The following SDCBP variants were observed in gnomAD, a reference collection of about 807,000 sequenced individuals.
The protein encoded by SDCBP is syndecan binding protein, also known as syntenin-1.
In SDCBP, 22 loss-of-function variants were observed where a neutral mutation model predicts 30.5. The ratio of observed to expected loss-of-function variants is 0.72; its 90% CI spans 0.52 to 1.03. SDCBP has a LOEUF of 1.03. SDCBP is among the 50% of genes least tolerant of loss of function. The pLI is 0.00. For missense variants in SDCBP, 304 were observed against 369.9 expected, an observed-to-expected ratio of 0.82 and a Z score of 1.46; for synonymous variants, 103 against 118.7, an observed-to-expected ratio of 0.87 and a Z score of 0.86.
chr8:58,555,221 A>G (rs939638553), intron 1 of SDCBP, among the ~76,000 whole-genome samples: 1 of 152,144 alleles, frequency 6.6e-6, no homozygotes, highest in Non-Finnish European at 1.5e-5. Context: ...TTGTGCACAT[A>G]TATTTTTACA....
At chr8:58,569,673 T>C (rs1804911697) in intron 2 of SDCBP, among the ~76,000 whole-genome samples, 1 of 151,886 alleles carries the variant, frequency 6.6e-6, no homozygotes, top group South Asian at 2.1e-4. Context: ...CCGCACAGTA[T>C]TTTTTTTGTT....
intron 6 of SDCBP, among the ~76,000 whole-genome samples, chr8:58,578,870 A>G (rs925466511): frequency 6.6e-6 from 1 of 152,196 alleles, no homozygotes; most frequent in Non-Finnish European, 1.5e-5. Flanking sequence ...TAAATGTTTC[A>G]GATGAATGTC....
chr8:58,578,834 G>T (rs968427983), intron 6 of SDCBP, among the ~76,000 whole-genome samples: 10 of 152,094 alleles, frequency 6.6e-5, no homozygotes, highest in Non-Finnish European at 1.3e-4. Context: ...TGTGTTTCCA[G>T]TTTCTCATTC....
intron 1 of SDCBP, among the ~76,000 whole-genome samples, chr8:58,559,435 G>A (rs1804319667): frequency 6.6e-6 from 1 of 152,162 alleles, no homozygotes; most frequent in Non-Finnish European, 1.5e-5. Context: ...GCAAAAAATT[G>A]TGTTTAGGGA....
chr8:58,573,601 T>C (rs1805158528), intron 4 of SDCBP, among the ~76,000 whole-genome samples: 1 of 152,048 alleles, frequency 6.6e-6, no homozygotes, highest in Non-Finnish European at 1.5e-5. Context: ...ATGAGGCTGG[T>C]TCTGGGAGTG....
intron 4 of SDCBP, among the ~76,000 whole-genome samples, chr8:58,573,441 T>C (rs1364511427): frequency 6.6e-6 from 1 of 152,200 alleles, no homozygotes; most frequent in Non-Finnish European, 1.5e-5. Context: ...ATAGATGTAA[T>C]TGCAGATAGC....
At chr8:58,557,517 A>G (rs1187601599) in intron 1 of SDCBP, among the ~76,000 whole-genome samples, 2 of 147,472 alleles carry the variant, frequency 1.4e-5, no homozygotes, top group African/African-American at 5.1e-5. Flanking sequence ...TATAATATAT[A>G]TATAGCCTTT....
At chr8:58,569,122 ACCT>A (rs892707505) in intron 2 of SDCBP, among the ~76,000 whole-genome samples, 7 of 151,224 alleles carry the variant, frequency 4.6e-5, no homozygotes, top group African/African-American at 1.5e-4. Flanking sequence ...GCTCACTGCA[ACCT>A]CCTCCTCCTG....
intron 6 of SDCBP, 66 bp from the exon 7 acceptor site, chr8:58,579,557 T>TA: frequency 8.2e-7 from 1 of 1,219,930 alleles, no homozygotes. Flanking sequence ...ACATTTATGC[T>TA]ATATGAAATC....
intron 4 of SDCBP, among the ~76,000 whole-genome samples, chr8:58,572,540 C>T (rs903630566): frequency 1.3e-5 from 2 of 152,220 alleles, no homozygotes; most frequent in South Asian, 2.1e-4. Flanking sequence ...TTTACTAGTT[C>T]GTTCTCCTTT....
At chr8:58,570,255 A>C (rs1429838967) in intron 2 of SDCBP, among the ~76,000 whole-genome samples, 1 of 152,224 alleles carries the variant, frequency 6.6e-6, no homozygotes, top group African/African-American at 2.4e-5. Flanking sequence ...CTAGAGTGTC[A>C]GAGTGTGTCA....
At chr8:58,569,045 A>G (rs1180996887) in intron 2 of SDCBP, among the ~76,000 whole-genome samples, 1 of 151,804 alleles carries the variant, frequency 6.6e-6, no homozygotes, top group Non-Finnish European at 1.5e-5. Context: ...TTAAAAAGAA[A>G]ATTTTTTTTT....
chr8:58,565,587 T>C (rs1482322835), intron 2 of SDCBP, among the ~76,000 whole-genome samples: 30 of 152,148 alleles, frequency 2.0e-4, no homozygotes, highest in Non-Finnish European at 1.5e-5. Context: ...GCAGCAGACA[T>C]TTCACTTGTT....
chr8:58,555,726 T>C (rs1009672970), intron 1 of SDCBP, among the ~76,000 whole-genome samples: 4 of 151,904 alleles, frequency 2.6e-5, no homozygotes, highest in African/African-American at 9.7e-5. Context: ...CTGGGTCCAA[T>C]GGACACTTTA....
At chr8:58,579,593 A>T in intron 6 of SDCBP, 30 bp from the exon 7 acceptor site, 1 of 1,457,696 alleles carries the variant, frequency 6.9e-7, no homozygotes, top group Non-Finnish European at 9.1e-7. Flanking sequence ...CTTAGAATTA[A>T]GTTTTTAATT....
intron 2 of SDCBP, among the ~76,000 whole-genome samples, chr8:58,569,638 T>C (rs1804909069): frequency 6.6e-6 from 1 of 152,190 alleles, no homozygotes; most frequent in Admixed American, 6.5e-5. Context: ...TTCATGTCTT[T>C]ATAGTTCTTT....
intron 1 of SDCBP, among the ~76,000 whole-genome samples, chr8:58,558,997 G>A (rs924411710): frequency 1.3e-5 from 2 of 152,166 alleles, no homozygotes; most frequent in Non-Finnish European, 2.9e-5. Flanking sequence ...AAAACAGTGA[G>A]AGTTAATTAA....
At chr8:58,561,890 T>A in intron 1 of SDCBP, 2 of 593,040 alleles carry the variant, frequency 3.4e-6, no homozygotes, top group Non-Finnish European at 6.0e-6. Context: ...ACATAAAAGA[T>A]GAAATTTGTA....
rs760008535 is a variant in SDCBP, at chr8:58,579,607, C to A, written c.579-16C>A. On this transcript the variant is annotated splice_polypyrimidine_tract_variant and intron_variant, in intron 6 of 8. Coordinates refer to ENST00000260130, the MANE Select transcript of SDCBP (RefSeq NM_005625.4). ...GCTTAGAATTAAGTTTTTAATTGAACCAATTATGTTTGTAGGCCCTTTGAA... is the reference window on the plus strand; with the variant it reads ...GCTTAGAATTAAGTTTTTAATTGAAACAATTATGTTTGTAGGCCCTTTGAA... 6.7e-7 allele frequency: 1 copy of A among 1,496,256 alleles called. No homozygotes were observed. The highest frequency in any genetic ancestry group is 1.4e-5 in the South Asian group (1 of 73,304). 92.7% of individuals were successfully genotyped at this position (1,496,256 alleles called of 1,614,324 possible). A position where few individuals can be genotyped will look rare whatever the true frequency, so the allele number is the denominator to read the frequency against.
Sources: gnomAD v4.1 joint callset for allele counts (sites outside exome capture counted in the v4.1 genomes callset) on GRCh38, gnomAD v4.1.1 for gene constraint, MANE v1.5 for transcripts, NCBI Gene and HGNC (gene_info 2026-07-23, HGNC 2026-07-21) for gene names.